The following CCSER1 variants were observed in gnomAD, a reference collection of about 807,000 sequenced individuals.
CCSER1 encodes coiled-coil serine rich protein 1, also known as serine-rich coiled-coil domain-containing protein 1.
A neutral mutation model predicts 82.0 loss-of-function variants in CCSER1; 41 were observed. That is an observed-to-expected ratio of 0.50 (90% CI 0.39 to 0.65). The LOEUF is 0.65. Ranked by LOEUF, CCSER1 falls within the 30% of genes least tolerant of loss-of-function variation. The pLI, the probability that CCSER1 is intolerant of heterozygous loss-of-function variation, is 0.00. For missense variants in CCSER1, 1,119 were observed against 1,064.2 expected (o/e 1.05, Z -0.72); for synonymous variants, 414 against 383.9 (o/e 1.08, Z -0.92).
At chr4:90,509,100 T>A (rs745389826) in intron 5 of CCSER1, among the ~76,000 whole-genome samples, 1 of 152,060 alleles carries the variant, frequency 6.6e-6, no homozygotes, top group Non-Finnish European at 1.5e-5. Context: ...ATAGAAGAGT[T>A]TGGGAATTAA....
chr4:90,547,498 AT>A (rs909844364), intron 5 of CCSER1, among the ~76,000 whole-genome samples: 1 of 151,424 alleles, frequency 6.6e-6, no homozygotes, highest in Non-Finnish European at 1.5e-5. Flanking sequence ...TTGCAGTCTA[AT>A]TTTTTTTTCT....
At chr4:90,295,751 T>C (rs1269923685) in intron 1 of CCSER1, among the ~76,000 whole-genome samples, 3 of 152,076 alleles carry the variant, frequency 2.0e-5, no homozygotes, top group African/African-American at 7.2e-5. Flanking sequence ...CAATTAGTGC[T>C]CCAGAGCTTT....
chr4:90,789,615 C>T (rs1396065379), intron 7 of CCSER1, among the ~76,000 whole-genome samples: 1 of 152,116 alleles, frequency 6.6e-6, no homozygotes. Context: ...CATGGGGGCA[C>T]ATCTTTTCCT....
At chr4:90,655,179 A>G (rs1473081086) in intron 6 of CCSER1, among the ~76,000 whole-genome samples, 2 of 152,004 alleles carry the variant, frequency 1.3e-5, no homozygotes. Flanking sequence ...TGTCAAATCT[A>G]GCAGATTCAA....
At chr4:91,123,249 G>C (rs543597860) in intron 10 of CCSER1, among the ~76,000 whole-genome samples, 3 of 151,540 alleles carry the variant, frequency 2.0e-5, no homozygotes, top group African/African-American at 4.8e-5. Flanking sequence ...TTTGCAGTTC[G>C]ATTAGTCAGA....
At chr4:91,384,994 G>A (rs1221164653) in intron 10 of CCSER1, among the ~76,000 whole-genome samples, 12 of 152,040 alleles carry the variant, frequency 7.9e-5, no homozygotes, top group Admixed American at 7.9e-4. Flanking sequence ...GGAATGAAGA[G>A]TAGTGAAACC....
chr4:91,157,031 T>C (rs1247703171), intron 10 of CCSER1, among the ~76,000 whole-genome samples: 2 of 151,940 alleles, frequency 1.3e-5, no homozygotes, highest in Non-Finnish European at 2.9e-5. Context: ...GTTTCAATTG[T>C]TTATTGTAGT....
intron 9 of CCSER1, among the ~76,000 whole-genome samples, chr4:91,004,665 T>C (rs1214182935): frequency 6.6e-6 from 1 of 152,216 alleles, no homozygotes; most frequent in Non-Finnish European, 1.5e-5. Context: ...CAGACAAATA[T>C]AATCTTAATG....
intron 3 of CCSER1, among the ~76,000 whole-genome samples, chr4:90,387,510 C>T (rs114181030): frequency 1.2e-3 from 184 of 152,260 alleles, no homozygotes; most frequent in African/African-American, 4.3e-3. Context: ...AGGCTGGCCA[C>T]ACTTAATAAT....
chr4:91,111,456 T>C (rs1420539137), intron 10 of CCSER1, among the ~76,000 whole-genome samples: 2 of 152,034 alleles, frequency 1.3e-5, no homozygotes, highest in African/African-American at 4.8e-5. Flanking sequence ...AAAAGTGATA[T>C]ATGAATATGA....
At chr4:90,192,031 G>A (rs1334429777) in intron 1 of CCSER1, among the ~76,000 whole-genome samples, 2 of 152,070 alleles carry the variant, frequency 1.3e-5, no homozygotes, top group Non-Finnish European at 2.9e-5. Context: ...GAGAGATTGT[G>A]TGTATTAGTC....
At chr4:90,243,935 G>C (rs749096616) in intron 1 of CCSER1, among the ~76,000 whole-genome samples, 1 of 151,028 alleles carries the variant, frequency 6.6e-6, no homozygotes, top group South Asian at 2.1e-4. Flanking sequence ...TTATTTCAAC[G>C]TTATGACTTA....
At chr4:90,569,402 A>G (rs944017655) in intron 5 of CCSER1, among the ~76,000 whole-genome samples, 1 of 152,154 alleles carries the variant, frequency 6.6e-6, no homozygotes, top group African/African-American at 2.4e-5. Flanking sequence ...AAAACACTAG[A>G]AATTGATAGA....
At chr4:90,903,727 A>T (rs1276432994) in intron 8 of CCSER1, among the ~76,000 whole-genome samples, 1 of 151,718 alleles carries the variant, frequency 6.6e-6, no homozygotes, top group Non-Finnish European at 1.5e-5. Flanking sequence ...AATCCCAGCT[A>T]CTCAGGAGAC....
intron 3 of CCSER1, among the ~76,000 whole-genome samples, chr4:90,340,511 A>G (rs1378625350): frequency 6.6e-6 from 1 of 152,144 alleles, no homozygotes; most frequent in Non-Finnish European, 1.5e-5. Context: ...AAAATCAGAC[A>G]TTTTGGCATA....
intron 9 of CCSER1, among the ~76,000 whole-genome samples, chr4:90,927,731 T>C (rs1181258701): frequency 6.6e-6 from 1 of 152,054 alleles, no homozygotes; most frequent in Non-Finnish European, 1.5e-5. Context: ...CTGGTACTTT[T>C]CTCAGATTTA....
chr4:90,597,345 G>C lies in CCSER1; in HGVS notation c.1725-30680G>C, dbSNP rs74659167. On this transcript the variant is annotated intron_variant, in intron 5 of 10. Transcript: ENST00000509176. ...ATGTGTTATTATATAACTGCATTCA[G>C]TATGTATTTTGTCTTATTAGAGGTT... Among the ~76,000 whole-genome samples the C allele has an allele frequency of 8.9e-3, 1,350 of 152,026 alleles. 22 individuals carry two copies. The highest frequency in any genetic ancestry group is 0.031 in the African/African-American group (1,272 of 41,518).
intron 10 of CCSER1, among the ~76,000 whole-genome samples, chr4:91,226,387 T>C (rs1049373282): frequency 6.6e-6 from 1 of 151,936 alleles, no homozygotes; most frequent in Non-Finnish European, 1.5e-5. Flanking sequence ...CATTGGAATT[T>C]GCAAGAAAAA....
intron 4 of CCSER1, among the ~76,000 whole-genome samples, chr4:90,412,578 C>T (rs185119400): frequency 1.6e-4 from 24 of 147,756 alleles, no homozygotes; most frequent in African/African-American, 5.4e-4. Flanking sequence ...GGTTTTCATA[C>T]GAGGGATGCA....
Sources: allele counts gnomAD v4.1 joint callset (sites outside exome capture counted in the v4.1 genomes callset), GRCh38; gene constraint gnomAD v4.1.1; transcripts MANE v1.5; gene names NCBI Gene and HGNC (gene_info 2026-07-23, HGNC 2026-07-21).